PADI4: variants seen among roughly 807,000 people sequenced by gnomAD.
PADI4 encodes protein-arginine deiminase type-4.
Under a neutral mutation model 75.0 loss-of-function variants are expected in PADI4, and 62 were observed. The ratio of observed to expected loss-of-function variants is 0.83; its 90% CI spans 0.67 to 1.02. The LOEUF (loss-of-function observed/expected upper bound fraction) is 1.02. PADI4 is among the 50% of genes least tolerant of loss of function. The pLI, the probability that PADI4 is intolerant of heterozygous loss-of-function variation, is 0.00. For synonymous variants in PADI4, 361 were observed against 348.1 expected, an observed-to-expected ratio of 1.04 and a Z score of -0.41; for missense variants, 845 against 850.5, an observed-to-expected ratio of 0.99 and a Z score of 0.08.
At chr1:17,324,838 T>G (rs1489276458) in intron 1 of PADI4, among the ~76,000 whole-genome samples, 2 of 152,274 alleles carry the variant, frequency 1.3e-5, no homozygotes, top group East Asian at 3.8e-4. Flanking sequence ...TTTTTCCAAT[T>G]TAGTATTTTC....
intron 8 of PADI4, among the ~76,000 whole-genome samples, chr1:17,343,833 C>CTCTT (rs1557566976): frequency 6.6e-6 from 1 of 152,174 alleles, no homozygotes; most frequent in Non-Finnish European, 1.5e-5. Context: ...CCAATTAAAC[C>CTCTT]TCTTTTCCTT....
chr1:17,358,535 T>G lies in PADI4; in HGVS notation c.1559-303T>G, dbSNP rs1201159267. ...GTGAGCCGAGATTGCGCCACTGCACTCCAGCCTGGACGACAGCGAGACTCC... is the reference window on the plus strand; with the variant it reads ...GTGAGCCGAGATTGCGCCACTGCACGCCAGCCTGGACGACAGCGAGACTCC... On this transcript the variant is annotated intron_variant, in intron 13 of 15. Transcript: ENST00000375448. Among the ~76,000 whole-genome samples, 7 of 35,030 alleles carry G rather than the reference T, an allele frequency of 2.0e-4. 3 individuals carry two copies. Among genetic ancestry groups the G allele is most frequent in the African/African-American group, 1.1e-3 (5 of 4,644 alleles). 23.0% of individuals were successfully genotyped at this position (35,030 alleles called of 152,430 possible). A position where few individuals can be genotyped will look rare whatever the true frequency, so the allele number is the denominator to read the frequency against.
intron 2 of PADI4, among the ~76,000 whole-genome samples, chr1:17,332,585 T>C (rs1489690877): frequency 6.6e-6 from 1 of 152,182 alleles, no homozygotes; most frequent in Non-Finnish European, 1.5e-5. Context: ...AAGACTTTTT[T>C]TCCAAATGAA....
At chr1:17,340,476 A>G (rs1478456370) in intron 6 of PADI4, among the ~76,000 whole-genome samples, 1 of 152,090 alleles carries the variant, frequency 6.6e-6, no homozygotes, top group African/African-American at 2.4e-5. Context: ...AGGTATAGGA[A>G]CAGCCAGACA....
chr1:17,338,260 A>G, intron 5 of PADI4, 105 bp downstream of exon 5: 1 of 748,462 alleles, frequency 1.3e-6, no homozygotes, highest in Admixed American at 1.9e-5. Flanking sequence ...TATTGAAAGC[A>G]TCTTCTTGTT....
At chr1:17,312,930 G>A (rs2073864137) in intron 1 of PADI4, among the ~76,000 whole-genome samples, 1 of 149,660 alleles carries the variant, frequency 6.7e-6, no homozygotes. Context: ...GGTGGCTCAC[G>A]CCTGTAATCC....
chr1:17,339,062 A>G (rs2074368129), intron 5 of PADI4, among the ~76,000 whole-genome samples: 1 of 152,168 alleles, frequency 6.6e-6, no homozygotes, highest in Non-Finnish European at 1.5e-5. Context: ...TACGGTGGGT[A>G]CAACTCTTGC....
chr1:17,339,572 A>C, intron 5 of PADI4, 116 bp from the exon 6 acceptor site: 1 of 985,986 alleles, frequency 1.0e-6, no homozygotes, highest in Non-Finnish European at 1.6e-6. Context: ...AACATGGTAA[A>C]GGGAGGTCTC....
Position 17,336,206 on chromosome 1 carries a change from A to T in PADI4, c.388A>T (p.Thr130Ser), listed in dbSNP as rs750509575. 6.8e-6 allele frequency: 11 copies of T among 1,613,676 alleles called. No homozygotes were observed. In the South Asian group the frequency reaches 1.2e-4, roughly 18 times the overall value. The change falls in exon 4 of 16, where the codon ACC (threonine) becomes TCC (serine). Residue 130 changes from threonine to serine, a missense_variant. Coordinates refer to ENST00000375448, the MANE Select transcript of PADI4 (RefSeq NM_012387.3). The stretch of plus-strand genomic sequence containing the variant: ...CACCCGCACCGGCAAAGTGAAGCCA[A>T]CCAGAGCTGTGAAAGATCAGGTACC... Reference protein sequence around the residue: ...DITRTGKVKPTRAVKDQRTWT... With the variant: ...DITRTGKVKPSRAVKDQRTWT...
chr1:17,362,989 G>A (rs1313870758), intron 15 of PADI4, among the ~76,000 whole-genome samples: 1 of 152,130 alleles, frequency 6.6e-6, no homozygotes, highest in African/African-American at 2.4e-5. Flanking sequence ...GCTCATTCTT[G>A]TATTTTTAGT....
In PADI4 at chr1:17,359,889, T is replaced by A. The variant is rs533586443; in HGVS notation, c.1758+481T>A. 9.3e-4 allele frequency among the ~76,000 whole-genome samples: 142 copies of A among 152,322 alleles called. 1 individual carries two copies. Among genetic ancestry groups the A allele is most frequent in the African/African-American group, 3.1e-3 (130 of 41,580 alleles). ...ACAAGGAGAGGGTCCTGGGCTGATC[T>A]AAATGGACATCAACGTCTTGCAAGG... On this transcript the variant is annotated intron_variant, in intron 15 of 15. Transcript: ENST00000375448.
chr1:17,360,229 T>C lies in PADI4; in HGVS notation c.1758+821T>C, dbSNP rs2074829936. On this transcript the variant is annotated intron_variant, in intron 15 of 15. Coordinates refer to ENST00000375448, the MANE Select transcript of PADI4 (RefSeq NM_012387.3). ...TCACTTGAACCTGGGAGACGGAGGT[T>C]GCAGTGAGCCAAGATCATGCTATTG... Among the ~76,000 whole-genome samples, 3 of 151,134 alleles carry C rather than the reference T, an allele frequency of 2.0e-5. 1 individual carries two copies. The South Asian group carries it at 6.3e-4, about 32-fold the overall frequency.
At position 17,342,073 on chromosome 1, in the gene PADI4, C is replaced by A. The variant is rs769297708; in HGVS notation, c.783C>A (p.Phe261Leu). Residue 261 changes from phenylalanine to leucine, a missense_variant, in exon 7 of 16, where the codon TTC (phenylalanine) becomes TTA (leucine). Transcript: ENST00000375448. Reference sequence around the variant, plus strand: ...CCCTCGCTTTCCCGGACACCGACTTCCCGGGGCTCATTACCCTCACCATCT... The same window carrying A: ...CCCTCGCTTTCCCGGACACCGACTTACCGGGGCTCATTACCCTCACCATCT... Reference protein sequence around the residue: ...VEALAFPDTDFPGLITLTISL... With the variant: ...VEALAFPDTDLPGLITLTISL... 5 of 1,614,108 alleles carry A rather than the reference C, an allele frequency of 3.1e-6. No individual in the cohort carries two copies. The highest frequency in any genetic ancestry group is 4.2e-6 in the Non-Finnish European group (5 of 1,180,000).
At position 17,316,696 on chromosome 1, in the gene PADI4, A is replaced by AATAG. The variant is rs1327542345; in HGVS notation, c.92+8385_92+8386insGATA. ...CAGAGTGAGACTCCGTCTCAAAATAAATAAATAAATAAATTAATTAATTAA... is the reference window on the plus strand; with the variant it reads ...CAGAGTGAGACTCCGTCTCAAAATAAATAGATAAATAAATAAATTAATTAATTAA... On this transcript the variant is annotated intron_variant, in intron 1 of 15. Transcript: ENST00000375448. Among the ~76,000 whole-genome samples, 3 of 146,702 alleles carry AATAG rather than the reference A, an allele frequency of 2.0e-5. No homozygotes were observed. In the East Asian group the frequency reaches 5.9e-4, roughly 29 times the overall value.
chr1:17,331,036 C>T lies in PADI4; in HGVS notation c.160C>T (p.His54Tyr). 2 of 1,609,872 alleles carry T rather than the reference C, an allele frequency of 1.2e-6. No homozygotes were observed. The highest frequency in any genetic ancestry group is 2.7e-5 in the African/African-American group (2 of 74,848). The change falls in exon 2 of 16, where the codon CAC becomes TAC. Residue 54 changes from histidine to tyrosine, a missense_variant. Coordinates refer to ENST00000375448, the MANE Select transcript of PADI4 (RefSeq NM_012387.3). ...ASPGVVVDIAHGPPAKKKSTG... is the reference protein window; with the variant it reads ...ASPGVVVDIAYGPPAKKKSTG... ...CCCAGGGGTGGTCGTGGATATTGCC[C>T]ACGGCCCTCCAGCCAAGAAGAAATC...
chr1:17,322,750 G>C (rs2074052745), intron 1 of PADI4, among the ~76,000 whole-genome samples: 1 of 152,052 alleles, frequency 6.6e-6, no homozygotes, highest in Non-Finnish European at 1.5e-5. Context: ...CAGTCTGTAA[G>C]TGGTAAGATT....
At chr1:17,361,548 G>T (rs2074849047) in intron 15 of PADI4, among the ~76,000 whole-genome samples, 1 of 152,220 alleles carries the variant, frequency 6.6e-6, no homozygotes, top group Non-Finnish European at 1.5e-5. Context: ...GAGGACTCAT[G>T]ACCCATGGAA....
chr1:17,351,371 A>G (rs576678402), intron 10 of PADI4, among the ~76,000 whole-genome samples: 21 of 150,744 alleles, frequency 1.4e-4, no homozygotes, highest in African/African-American at 5.1e-4. Context: ...CTGGTGGATT[A>G]CTTGAGCCCA....
chr1:17,338,228 G>T, intron 5 of PADI4, 73 bp downstream of exon 5: 1 of 901,084 alleles, frequency 1.1e-6, no homozygotes, highest in Non-Finnish European at 1.9e-6. Flanking sequence ...TGAACCTGGT[G>T]ACGGCCCTCT....
Sources: allele counts gnomAD v4.1 joint callset (sites outside exome capture counted in the v4.1 genomes callset), GRCh38; gene constraint gnomAD v4.1.1; transcripts MANE v1.5; gene names NCBI Gene and HGNC (gene_info 2026-07-23, HGNC 2026-07-21).